PCDHGA5: variants seen among roughly 807,000 people sequenced by gnomAD.
PCDHGA5 encodes protocadherin gamma subfamily A, 5, also known as protocadherin gamma-A5.
Under a neutral mutation model 56.7 loss-of-function variants are expected in PCDHGA5, and 36 were observed. The ratio of observed to expected loss-of-function variants is 0.64; its 90% CI spans 0.49 to 0.84. The LOEUF (loss-of-function observed/expected upper bound fraction) is 0.84. Among genes scored for constraint, PCDHGA5 ranks in the 40% least tolerant of loss-of-function variants. The pLI, the probability that PCDHGA5 is intolerant of heterozygous loss-of-function variation, is 0.00. For missense variants in PCDHGA5, 1,305 were observed against 1,201.5 expected, an observed-to-expected ratio of 1.09 and a Z score of -1.27; for synonymous variants, 563 against 520.2, an observed-to-expected ratio of 1.08 and a Z score of -1.12.
At chr5:141,394,219 C>T (rs1355390708) in intron 1 of PCDHGA5, 1 of 1,613,786 alleles carries the variant, frequency 6.2e-7, no homozygotes, top group Non-Finnish European at 8.5e-7. Context: ...CTGAGAGGAG[C>T]CTCCATCTTT....
At position 141,489,358 on chromosome 5, in the gene PCDHGA5, G is replaced by A; in HGVS notation, c.2422-5449G>A. On this transcript the variant is annotated intron_variant, in intron 1 of 3. Transcript: ENST00000518069. This position sits in a 1 kb window ranked among gnomAD's most constrained non-coding sequence, Gnocchi z 4.5. ...TCGTTACTCAGTGGTGGAGGAGTCT[G>A]AGCCGGGGACGCTGGTGGGGAATGT... 1 of 1,613,144 alleles carries A rather than the reference G, an allele frequency of 6.2e-7. No individual in the cohort carries two copies. The highest frequency in any genetic ancestry group is 8.5e-7 in the Non-Finnish European group (1 of 1,179,278).
At chr5:141,368,396 C>T (rs1039446305) in intron 1 of PCDHGA5, among the ~76,000 whole-genome samples, 12 of 152,102 alleles carry the variant, frequency 7.9e-5, no homozygotes, top group African/African-American at 2.9e-4. Flanking sequence ...CACACACAAA[C>T]ACACATACAT....
rs1054594374 is a variant in PCDHGA5 at position 141,489,607 on chromosome 5, A to G, written c.2422-5200A>G. On this transcript the variant is annotated intron_variant, in intron 1 of 3. Coordinates refer to ENST00000518069, the MANE Select transcript of PCDHGA5 (RefSeq NM_018918.3). This position sits in a 1 kb window ranked among gnomAD's most constrained non-coding sequence, Gnocchi z 4.5. ...GGAGCTAATCCGTGTAGAGGTAGAG[A>G]TCCTGGATCTCAATGACAACTCTCC... The G allele has an allele frequency of 6.2e-6, 10 of 1,613,850 alleles. No homozygotes were observed. The highest frequency in any genetic ancestry group is 8.5e-6 in the Non-Finnish European group (10 of 1,179,956).
At chr5:141,386,383 A>C (rs980668572) in intron 1 of PCDHGA5, among the ~76,000 whole-genome samples, 5 of 152,206 alleles carry the variant, frequency 3.3e-5, no homozygotes, top group Admixed American at 2.6e-4. Context: ...GTATTAATTA[A>C]AAACACACTT....
intron 1 of PCDHGA5, among the ~76,000 whole-genome samples, chr5:141,454,924 C>T (rs1252057038): frequency 6.7e-6 from 1 of 149,858 alleles, no homozygotes; most frequent in Non-Finnish European, 1.5e-5. Context: ...TCTCCTGCCT[C>T]AGCCTCCCGA....
intron 1 of PCDHGA5, chr5:141,412,207 C>T (rs529672287): frequency 1.1e-3 from 173 of 152,330 alleles, no homozygotes; most frequent in African/African-American, 4.1e-3. Flanking sequence ...GGTCATTTGA[C>T]ATAAACACTT....
At position 141,491,672 on chromosome 5, in the gene PCDHGA5, G is replaced by A. The variant is rs754836157; in HGVS notation, c.2422-3135G>A. The A allele has an allele frequency of 9.9e-6, 16 of 1,613,494 alleles. No homozygotes were observed. The South Asian group carries it at 1.4e-4, about 14-fold the overall frequency. On this transcript the variant is annotated intron_variant, in intron 1 of 3. Transcript: ENST00000518069. This position sits in a 1 kb window ranked among gnomAD's most constrained non-coding sequence, Gnocchi z 6.9. ...CTGGAGCCTGACGCCATCCGGTCCCGCTCTAATACGCTGCGGGAGCGGAGC... is the reference window on the plus strand; with the variant it reads ...CTGGAGCCTGACGCCATCCGGTCCCACTCTAATACGCTGCGGGAGCGGAGC...
At position 141,459,716 on chromosome 5, in the gene PCDHGA5, C is replaced by T. The variant is rs1592633942; in HGVS notation, c.2422-35091C>T. On this transcript the variant is annotated intron_variant, in intron 1 of 3. Coordinates refer to ENST00000518069, the MANE Select transcript of PCDHGA5 (RefSeq NM_018918.3). ...CGCTTGCTACATTTTCTCACCAATG[C>T]TTCCTATTGTCAATTTTTTAAATTT... is the stretch of plus-strand genomic sequence containing the variant. Among the ~76,000 whole-genome samples the T allele has an allele frequency of 2.0e-5, 3 of 152,334 alleles. No homozygotes were observed. In the South Asian group the frequency reaches 6.2e-4, roughly 32 times the overall value.
chr5:141,408,904 T>C (rs779095615), intron 1 of PCDHGA5: 14 of 1,613,246 alleles, frequency 8.7e-6, no homozygotes, highest in Admixed American at 3.3e-5. Flanking sequence ...CTGTCAAGGA[T>C]ACCAATGATA....
intron 1 of PCDHGA5, chr5:141,375,792 A>G: frequency 6.2e-7 from 1 of 1,614,190 alleles, no homozygotes; most frequent in Non-Finnish European, 8.5e-7. Flanking sequence ...CTCCCCACAG[A>G]CGGTTCCACT....
chr5:141,436,487 A>G (rs2097826897), intron 1 of PCDHGA5, among the ~76,000 whole-genome samples: 2 of 152,196 alleles, frequency 1.3e-5, no homozygotes, highest in Non-Finnish European at 2.9e-5. Context: ...GAAGGATAGC[A>G]GCTTTGCAAT....
intron 1 of PCDHGA5, among the ~76,000 whole-genome samples, chr5:141,446,167 G>A (rs1357034077): frequency 6.6e-6 from 1 of 152,188 alleles, no homozygotes; most frequent in African/African-American, 2.4e-5. Flanking sequence ...ATTTCATGAG[G>A]GCAGGGGGTG....
intron 1 of PCDHGA5, chr5:141,389,589 G>C (rs780685929): frequency 8.1e-6 from 13 of 1,613,168 alleles, no homozygotes; most frequent in Non-Finnish European, 1.1e-5. Context: ...GGGTCCCGAC[G>C]GCTCTGCGCT....
Position 141,486,785 on chromosome 5 carries a change from C to G in PCDHGA5, c.2422-8022C>G, listed in dbSNP as rs763174232. The G allele has an allele frequency of 2.8e-5, 45 of 1,614,102 alleles. No homozygotes were observed. The highest frequency in any genetic ancestry group is 3.6e-5 in the Non-Finnish European group (42 of 1,180,050). On this transcript the variant is annotated intron_variant, in intron 1 of 3. Coordinates refer to ENST00000518069, the MANE Select transcript of PCDHGA5 (RefSeq NM_018918.3). The surrounding 1 kb of genome is among the most constrained non-coding windows in gnomAD (Gnocchi z 5.0). ...GACACTGCAGTTTGAGGTGCAGGCC[C>G]GGGATCGGGGCAACCCACCCCTTAG... is the stretch of plus-strand genomic sequence containing the variant.
At chr5:141,385,516 C>A in intron 1 of PCDHGA5, 1 of 1,367,218 alleles carries the variant, frequency 7.3e-7, no homozygotes, top group South Asian at 1.9e-5. Flanking sequence ...TAGTGAAAGC[C>A]TATGGACAAG....
chr5:141,446,988 C>T (rs548721486), intron 1 of PCDHGA5, among the ~76,000 whole-genome samples: 1 of 152,154 alleles, frequency 6.6e-6, no homozygotes, highest in Non-Finnish European at 1.5e-5. Flanking sequence ...TCATACTCCA[C>T]TCTTCAGACT....
intron 1 of PCDHGA5, chr5:141,389,720 C>T (rs1488646083): frequency 1.2e-6 from 2 of 1,612,576 alleles, no homozygotes; most frequent in East Asian, 4.5e-5. Flanking sequence ...CTAGCGAGCC[C>T]GGGCTCTTCA....
In PCDHGA5 at chr5:141,489,189, C is replaced by A; in HGVS notation, c.2422-5618C>A. 1 of 1,341,534 alleles carries A rather than the reference C, an allele frequency of 7.5e-7. No homozygotes were observed. The highest frequency in any genetic ancestry group is 1.0e-6 in the Non-Finnish European group (1 of 975,280). 83.1% of individuals were successfully genotyped at this position (1,341,534 alleles called of 1,614,324 possible). A position where few individuals can be genotyped will look rare whatever the true frequency, so the allele number is the denominator to read the frequency against. On this transcript the variant is annotated intron_variant, in intron 1 of 3. Transcript: ENST00000518069. This position sits in a 1 kb window ranked among gnomAD's most constrained non-coding sequence, Gnocchi z 4.5. ...TGCTGCATTCCAAGCCCTGGGTCTA[C>A]CTTGGAGACAGGACAGCACAGACTT...
chr5:141,448,896 G>C (rs560617459), intron 1 of PCDHGA5, among the ~76,000 whole-genome samples: 5 of 152,302 alleles, frequency 3.3e-5, no homozygotes, highest in African/African-American at 1.2e-4. Context: ...AGTGAGCCGA[G>C]ATCGTGCCAC....
Sources: allele counts gnomAD v4.1 joint callset (sites outside exome capture counted in the v4.1 genomes callset), GRCh38; gene constraint gnomAD v4.1.1; non-coding constraint Gnocchi (gnomAD v3.1); transcripts MANE v1.5; gene names NCBI Gene and HGNC (gene_info 2026-07-23, HGNC 2026-07-21).